The following CACNA1C variants were observed in gnomAD, a reference collection of about 807,000 sequenced individuals.
CACNA1C encodes the protein voltage-dependent L-type calcium channel subunit alpha-1C.
A neutral mutation model predicts 229.0 loss-of-function variants in CACNA1C; 30 were observed. That is an observed-to-expected ratio of 0.13 (90% CI 0.10 to 0.18). The LOEUF (loss-of-function observed/expected upper bound fraction) is 0.18, where lower values mean the gene tolerates loss of function less well. Ranked by LOEUF, CACNA1C falls within the 10% of genes least tolerant of loss-of-function variation. The probability of loss-of-function intolerance (pLI) is 1.00; values close to 1 mark genes in which losing one functional copy is unlikely to be tolerated. For synonymous variants in CACNA1C, 1,114 were observed against 1,132.5 expected, an observed-to-expected ratio of 0.98 and a Z score of 0.33; for missense variants, 1,658 against 2,845.0, an observed-to-expected ratio of 0.58 and a Z score of 9.49.
At chr12:2,342,312 G>A (rs11830691) in intron 3 of CACNA1C, among the ~76,000 whole-genome samples, 4,284 of 152,088 alleles carry the variant, frequency 0.028, 134 homozygotes, top group African/African-American at 0.07. Context: ...GCCCTGTCTC[G>A]TCACTTATAA....
chr12:2,562,486 C>G (rs2154592995), intron 11 of CACNA1C, among the ~76,000 whole-genome samples: 1 of 152,230 alleles, frequency 6.6e-6, no homozygotes, highest in East Asian at 1.9e-4. Flanking sequence ...AAACTACTTG[C>G]CAAATTTCTG....
At chr12:2,043,113 G>A (rs965726910) in intron 1 of CACNA1C, among the ~76,000 whole-genome samples, 24 of 152,070 alleles carry the variant, frequency 1.6e-4, no homozygotes, top group African/African-American at 4.1e-4. Context: ...TTACTTCATC[G>A]CAAGATCATT....
chr12:2,229,845 G>C (rs1451104816), intron 3 of CACNA1C, among the ~76,000 whole-genome samples: 1 of 152,194 alleles, frequency 6.6e-6, no homozygotes. Context: ...GGCGGAGCAG[G>C]GCGTTGCAGG....
intron 1 of CACNA1C, among the ~76,000 whole-genome samples, chr12:2,028,098 T>C (rs1226774289): frequency 1.3e-5 from 2 of 152,240 alleles, no homozygotes; most frequent in Admixed American, 1.3e-4. Flanking sequence ...ATTATAAGTT[T>C]TCCCACAGTG....
At chr12:2,343,707 G>A (rs2096927666) in intron 3 of CACNA1C, among the ~76,000 whole-genome samples, 3 of 152,160 alleles carry the variant, frequency 2.0e-5, no homozygotes. Context: ...GTTGCAGAAT[G>A]TATAGTGTTA....
chr12:2,579,036 GC>G (rs541149645), intron 13 of CACNA1C, among the ~76,000 whole-genome samples: 3 of 151,874 alleles, frequency 2.0e-5, no homozygotes, highest in East Asian at 1.9e-4. Context: ...GGTCAGGAGG[GC>G]CCCCCCACCT....
chr12:2,692,400 G>C lies in CACNA1C; in HGVS notation c.*1201G>C, dbSNP rs1289037148. ...CGCGTGTGTGTGTGGTGGGTTGTCTGTGTGCATATGTCCTGCCCGTGTATA... is the reference window on the plus strand; with the variant it reads ...CGCGTGTGTGTGTGGTGGGTTGTCTCTGTGCATATGTCCTGCCCGTGTATA... On this transcript the variant is annotated 3_prime_UTR_variant, in exon 47 of 47. Coordinates refer to ENST00000399655, the MANE Select transcript of CACNA1C (RefSeq NM_000719.7). The C allele has an allele frequency of 6.6e-6, 1 of 152,514 alleles. No individual in the cohort carries two copies. Among genetic ancestry groups the C allele is most frequent in the Non-Finnish European group, 1.5e-5 (1 of 68,040 alleles). The allele number at this position is 152,514 out of a possible 1,614,324, so 9.4% of individuals were successfully genotyped here.
chr12:2,365,414 T>A (rs146678424), intron 3 of CACNA1C, among the ~76,000 whole-genome samples: 120 of 152,332 alleles, frequency 7.9e-4, no homozygotes, highest in African/African-American at 2.7e-3. Context: ...CTGAGGGGCA[T>A]CTATCATGAT....
At chr12:2,052,093 G>T (rs2052368511), upstream of CACNA1C, among the ~76,000 whole-genome samples, 1 of 152,216 alleles carries the variant, frequency 6.6e-6, no homozygotes, top group Non-Finnish European at 1.5e-5. Flanking sequence ...GTGGTTGCAG[G>T]GAGTGATGGA....
intron 3 of CACNA1C, among the ~76,000 whole-genome samples, chr12:2,370,399 A>G (rs1383506396): frequency 1.3e-5 from 2 of 152,226 alleles, no homozygotes; most frequent in Non-Finnish European, 2.9e-5. Context: ...TTTACGTATA[A>G]TGATGTTCAT....
chr12:2,409,829 C>A (rs1166116270), intron 3 of CACNA1C, among the ~76,000 whole-genome samples: 1 of 152,188 alleles, frequency 6.6e-6, no homozygotes, highest in Non-Finnish European at 1.5e-5. Context: ...AACGCAGGGC[C>A]CGCTGCCCAG....
At chr12:2,126,374 AGC>A (rs748136353) in intron 3 of CACNA1C, among the ~76,000 whole-genome samples, 28 of 152,280 alleles carry the variant, frequency 1.8e-4, no homozygotes, top group Middle Eastern at 3.4e-3. Flanking sequence ...GTCTACCAAG[AGC>A]TATTACCTGT....
chr12:2,096,731 A>G (rs979706926), intron 1 of CACNA1C, among the ~76,000 whole-genome samples: 31 of 152,128 alleles, frequency 2.0e-4, no homozygotes, highest in Non-Finnish European at 5.9e-5. Context: ...TATAACCATT[A>G]ACTCCCATTT....
chr12:2,587,481 C>T (rs1175877585), intron 18 of CACNA1C, among the ~76,000 whole-genome samples: 3 of 152,186 alleles, frequency 2.0e-5, no homozygotes, highest in Non-Finnish European at 4.4e-5. Flanking sequence ...CAGCTGCAGC[C>T]AGGCCTGTAC....
At chr12:2,556,849 C>A in intron 10 of CACNA1C, 102 bp from the exon 11 acceptor site, 1 of 952,852 alleles carries the variant, frequency 1.0e-6, no homozygotes, top group Non-Finnish European at 1.7e-6. Flanking sequence ...AGCACCCACA[C>A]GAAATTACCT....
chr12:2,022,901 T>C (rs931997267), intron 1 of CACNA1C, among the ~76,000 whole-genome samples: 1 of 152,182 alleles, frequency 6.6e-6, no homozygotes, highest in African/African-American at 2.4e-5. Flanking sequence ...AAATCATTCA[T>C]TCCACCTGGT....
intron 5 of CACNA1C, among the ~76,000 whole-genome samples, chr12:2,459,379 C>G (rs2099482484): frequency 6.6e-6 from 1 of 152,012 alleles, no homozygotes; most frequent in Non-Finnish European, 1.5e-5. Context: ...CCTTGAAACC[C>G]AGAACTGTGC....
At chr12:2,086,243 AAAT>A (rs2067601692) in intron 1 of CACNA1C, among the ~76,000 whole-genome samples, 1 of 152,220 alleles carries the variant, frequency 6.6e-6, no homozygotes, top group South Asian at 2.1e-4. Context: ...TTTGTTGAAA[AAAT>A]GGATGAATGG....
intron 3 of CACNA1C, among the ~76,000 whole-genome samples, chr12:2,177,412 C>T (rs562489524): frequency 3.4e-4 from 52 of 152,174 alleles, no homozygotes; most frequent in Non-Finnish European, 5.6e-4. Context: ...TCAAAGACAG[C>T]TTGAAAGCAT....
Sources: allele counts gnomAD v4.1 joint callset (sites outside exome capture counted in the v4.1 genomes callset), GRCh38; gene constraint gnomAD v4.1.1; transcripts MANE v1.5; gene names NCBI Gene and HGNC (gene_info 2026-07-23, HGNC 2026-07-21).